The following ORC4 variants were observed in gnomAD, a reference collection of about 807,000 sequenced individuals.
ORC4 encodes the protein origin recognition complex subunit 4.
Under a neutral mutation model 63.9 loss-of-function variants are expected in ORC4, and 55 were observed. That is an observed-to-expected ratio of 0.86 (90% CI 0.69 to 1.08). The LOEUF (loss-of-function observed/expected upper bound fraction) is 1.08, where lower values mean the gene tolerates loss of function less well. Ranked by LOEUF, ORC4 falls within the 50% of genes least tolerant of loss-of-function variation. The pLI, the probability that ORC4 is intolerant of heterozygous loss-of-function variation, is 0.00. For synonymous variants in ORC4, 150 were observed against 168.5 expected, an observed-to-expected ratio of 0.89 and a Z score of 0.85; for missense variants, 511 against 504.4, an observed-to-expected ratio of 1.01 and a Z score of -0.13.
In ORC4 at chr2:147,958,321, T is replaced by G; in HGVS notation, c.364A>C (p.Asn122His). ...KEITRQLNLE[N>H]VVGDKVFGSF... ...ACAAAAACTTTATCTCCAACTACAT[T>G]TTCCAGATTTAACTGCCTTGTGATT... is the stretch of plus-strand genomic sequence containing the variant. The change falls in exon 6 of 14, where the codon AAT becomes CAT. Residue 122 changes from asparagine (N) to histidine (H), a missense_variant. Physicochemically the swap from Asn to His is moderately conservative, Grantham distance 68. Transcript: ENST00000392857. 4 of 1,611,276 alleles carry G rather than the reference T, an allele frequency of 2.5e-6. No homozygotes were observed. Among genetic ancestry groups the G allele is most frequent in the Non-Finnish European group, 3.4e-6 (4 of 1,177,918 alleles).
intron 10 of ORC4, among the ~76,000 whole-genome samples, chr2:147,941,262 T>A (rs1033431424): frequency 1.3e-5 from 2 of 151,324 alleles, no homozygotes; most frequent in Non-Finnish European, 3.0e-5. Context: ...CTTTCATTTC[T>A]TTTTTTTTCC....
intron 1 of ORC4, among the ~76,000 whole-genome samples, chr2:148,014,881 C>T (rs1449416391): frequency 6.6e-6 from 1 of 151,992 alleles, no homozygotes; most frequent in Non-Finnish European, 1.5e-5. Flanking sequence ...GTGGTATCTG[C>T]ACGGGGTTCT....
At chr2:147,964,436 GATTT>G (rs1172307950) in intron 4 of ORC4, among the ~76,000 whole-genome samples, 13 of 152,258 alleles carry the variant, frequency 8.5e-5, no homozygotes, top group African/African-American at 3.1e-4. Context: ...AAGTCTACAG[GATTT>G]ATAAGACTTC....
intron 1 of ORC4, among the ~76,000 whole-genome samples, chr2:147,985,190 G>GT (rs939385077): frequency 2.0e-4 from 30 of 151,542 alleles, no homozygotes; most frequent in African/African-American, 5.8e-4. Context: ...TAAACTCTCT[G>GT]TTTTTTTTGT....
rs1689821154 is a variant in ORC4, at chr2:147,965,048, A to C, written c.226-6182T>G. 1.3e-5 allele frequency among the ~76,000 whole-genome samples: 2 copies of C among 152,206 alleles called. 1 individual carries two copies. Among genetic ancestry groups the C allele is most frequent in the South Asian group, 4.1e-4 (2 of 4,834 alleles). ...CCGTCATCACTAGACCAGACCTATA[A>C]GAAATGTTCAAGGGAGTCTAACATC... On this transcript the variant is annotated intron_variant, in intron 4 of 13. Transcript: ENST00000392857.
intron 1 of ORC4, among the ~76,000 whole-genome samples, chr2:147,982,466 A>C (rs1190008459): frequency 6.6e-6 from 1 of 152,238 alleles, no homozygotes; most frequent in Non-Finnish European, 1.5e-5. Flanking sequence ...GAATTAAAAG[A>C]TATTTTTTAC....
chr2:147,968,925 A>G (rs539252966), intron 4 of ORC4, among the ~76,000 whole-genome samples: 12 of 152,226 alleles, frequency 7.9e-5, no homozygotes, highest in Middle Eastern at 6.8e-3. Flanking sequence ...GTGTATATAC[A>G]CACAATGGAA....
intron 11 of ORC4, 92 bp from the exon 12 acceptor site, chr2:147,938,485 T>C (rs952298374): frequency 2.5e-6 from 2 of 807,970 alleles, no homozygotes; most frequent in Non-Finnish European, 4.4e-6. Context: ...GAAAGATCTA[T>C]GGTTCTGAGG....
chr2:147,939,898 G>A (rs1320852071), intron 10 of ORC4, among the ~76,000 whole-genome samples: 1 of 151,884 alleles, frequency 6.6e-6, no homozygotes, highest in Non-Finnish European at 1.5e-5. Context: ...GGTCATTTAG[G>A]GTTACAAGAT....
chr2:147,957,218 TTATA>T (rs947750017), intron 6 of ORC4, among the ~76,000 whole-genome samples: 1 of 146,418 alleles, frequency 6.8e-6, no homozygotes, highest in Non-Finnish European at 1.5e-5. Context: ...ATTACATAGA[TTATA>T]TAATTATATA....
chr2:147,962,474 G>C (rs1243794035), intron 4 of ORC4, among the ~76,000 whole-genome samples: 1 of 152,124 alleles, frequency 6.6e-6, no homozygotes, highest in African/African-American at 2.4e-5. Flanking sequence ...TCCAGTACTA[G>C]GGGTCCATCT....
At chr2:147,938,256 G>A (rs1688167022) in intron 12 of ORC4, 42 bp downstream of exon 12, 1 of 1,587,872 alleles carries the variant, frequency 6.3e-7, no homozygotes, top group South Asian at 1.1e-5. Context: ...CAAATAAGCA[G>A]TGGGGAAGAG....
At chr2:147,951,575 A>G (rs1344723883) in intron 8 of ORC4, 1 of 152,182 alleles carries the variant, frequency 6.6e-6, no homozygotes, top group African/African-American at 2.4e-5. Context: ...CCACCATGTC[A>G]TGCAGCATGA....
chr2:147,990,824 T>C (rs1450276692), intron 1 of ORC4, among the ~76,000 whole-genome samples: 1 of 152,180 alleles, frequency 6.6e-6, no homozygotes, highest in Non-Finnish European at 1.5e-5. Context: ...TTCTCATTGA[T>C]ATTAAAATGA....
chr2:148,020,107 T>C (rs904107130), intron 1 of ORC4, among the ~76,000 whole-genome samples: 2 of 152,092 alleles, frequency 1.3e-5, no homozygotes, highest in African/African-American at 4.8e-5. Flanking sequence ...ACGCAAGACA[T>C]GGAGGGAAGC....
intron 1 of ORC4, among the ~76,000 whole-genome samples, chr2:148,016,908 A>G (rs745730435): frequency 6.6e-6 from 1 of 152,230 alleles, no homozygotes; most frequent in Non-Finnish European, 1.5e-5. Flanking sequence ...TCTTCAAGGT[A>G]CAAGTAAAAC....
intron 1 of ORC4, among the ~76,000 whole-genome samples, chr2:148,003,393 A>C (rs577351644): frequency 3.5e-4 from 53 of 152,346 alleles, no homozygotes; most frequent in Admixed American, 2.4e-3. Flanking sequence ...ATCCAGCAGC[A>C]CATCAAAAAG....
intron 1 of ORC4, among the ~76,000 whole-genome samples, chr2:147,999,827 G>A (rs959808580): frequency 5.9e-5 from 9 of 151,946 alleles, no homozygotes; most frequent in Admixed American, 2.0e-4. Context: ...GGAAAGCCTC[G>A]ATTAAAAAGA....
At chr2:147,961,065 T>C (rs1220431824) in intron 4 of ORC4, among the ~76,000 whole-genome samples, 1 of 152,180 alleles carries the variant, frequency 6.6e-6, no homozygotes, top group African/African-American at 2.4e-5. Context: ...AAATATACTA[T>C]AATCTTAGGG....
Sources: allele counts gnomAD v4.1 joint callset (sites outside exome capture counted in the v4.1 genomes callset), GRCh38; gene constraint gnomAD v4.1.1; transcripts MANE v1.5; gene names NCBI Gene and HGNC (gene_info 2026-07-23, HGNC 2026-07-21).